Variants in DNAH6 observed in about 807,000 individuals in gnomAD.
DNAH6 encodes dynein axonemal heavy chain 6, also known as axonemal beta dynein heavy chain 6.
Under a neutral mutation model 491.4 loss-of-function variants are expected in DNAH6, and 340 were observed. That is an observed-to-expected ratio of 0.69 (90% confidence interval 0.63 to 0.76). The LOEUF is 0.76. Among genes scored for constraint, DNAH6 ranks in the 30% least tolerant of loss-of-function variants. The pLI is 0.00. For missense variants in DNAH6, 4,443 were observed against 4,972.2 expected (o/e 0.89, Z 3.20); for synonymous variants, 1,603 against 1,686.1 (o/e 0.95, Z 1.21).
At chr2:84,495,721 T>G in the DNAH6 span, among the ~76,000 whole-genome samples, 3 of 152,288 alleles carry the variant, frequency 2.0e-5, no homozygotes, top group Non-Finnish European at 4.4e-5. Flanking sequence ...ATGCATATAT[T>G]TGACCACGAG....
At chr2:84,519,380 A>G (rs937013336) in intron 2 of DNAH6, among the ~76,000 whole-genome samples, 9 of 152,182 alleles carry the variant, frequency 5.9e-5, no homozygotes, top group African/African-American at 1.4e-4. Context: ...TAAATAATAC[A>G]TGAATAAAAT....
chr2:84,753,868 AG>A (rs1673728942), intron 63 of DNAH6, among the ~76,000 whole-genome samples: 1 of 140,398 alleles, frequency 7.1e-6, no homozygotes, highest in Non-Finnish European at 1.5e-5. Context: ...CTCTGTCGCC[AG>A]GCCGGAGTGC....
chr2:84,664,910 G>C (rs889111417), intron 37 of DNAH6, among the ~76,000 whole-genome samples: 1 of 152,132 alleles, frequency 6.6e-6, no homozygotes, highest in African/African-American at 2.4e-5. Context: ...CTCAGACCAC[G>C]GTGCAATCAA....
At chr2:84,633,876 C>T (rs1688627441) in intron 29 of DNAH6, among the ~76,000 whole-genome samples, 2 of 152,036 alleles carry the variant, frequency 1.3e-5, no homozygotes, top group South Asian at 2.1e-4. Context: ...CAGTTGACCA[C>T]CTTGAAATTT....
At chr2:84,687,255 A>G (rs1422709393) in intron 44 of DNAH6, among the ~76,000 whole-genome samples, 1 of 152,194 alleles carries the variant, frequency 6.6e-6, no homozygotes, top group Admixed American at 6.5e-5. Flanking sequence ...ACATTGGCAG[A>G]TAGCCATGTT....
intron 58 of DNAH6, among the ~76,000 whole-genome samples, chr2:84,716,382 A>G (rs1157099303): frequency 6.6e-6 from 1 of 151,774 alleles, no homozygotes; most frequent in Non-Finnish European, 1.5e-5. Context: ...ATATACACAT[A>G]TGTATGTATA....
At position 84,707,022 on chromosome 2, in the gene DNAH6, A is replaced by C; in HGVS notation, c.8851+3A>C. The C allele has an allele frequency of 1.3e-6, 2 of 1,504,790 alleles. No individual in the cohort carries two copies. Among genetic ancestry groups the C allele is most frequent in the Non-Finnish European group, 1.8e-6 (2 of 1,134,932 alleles). The allele number at this position is 1,504,790 out of a possible 1,614,324, so 93.2% of individuals were successfully genotyped here. On this transcript the variant is annotated splice_donor_region_variant and intron_variant, in intron 53 of 76. Transcript: ENST00000389394. ...TGTAAATGAAAAAGAAAGCCTGGGT[A>C]AGTAACTCATAAAATTTACATTGGC...
rs181888995 is a variant in DNAH6 at position 84,705,423 on chromosome 2, A to G, written c.8466-63A>G. On this transcript the variant is annotated intron_variant, in intron 51 of 76. Coordinates refer to ENST00000389394, the MANE Select transcript of DNAH6 (RefSeq NM_001370.2). ...AATATCATAATGTTCTCAAAGAAATACATTCTTTTGTTCTTATATTACTTC... is the reference window on the plus strand; with the variant it reads ...AATATCATAATGTTCTCAAAGAAATGCATTCTTTTGTTCTTATATTACTTC... The G allele has an allele frequency of 1.8e-4, 235 of 1,336,074 alleles. 1 individual carries two copies. In the African/African-American group the frequency reaches 3.1e-3, roughly 18 times the overall value. 82.8% of individuals were successfully genotyped at this position (1,336,074 alleles called of 1,614,324 possible). A position where few individuals can be genotyped will look rare whatever the true frequency, so the allele number is the denominator to read the frequency against.
intron 14 of DNAH6, among the ~76,000 whole-genome samples, chr2:84,583,225 G>A (rs996794486): frequency 1.3e-5 from 2 of 152,208 alleles, no homozygotes; most frequent in African/African-American, 4.8e-5. Flanking sequence ...CTTAACCTAT[G>A]CAGCCAAGTC....
chr2:84,688,660 T>A (rs1694539158), intron 45 of DNAH6, 67 bp downstream of exon 45: 1 of 1,329,262 alleles, frequency 7.5e-7, no homozygotes, highest in Admixed American at 3.3e-5. Flanking sequence ...GGTAAAAAAA[T>A]AAGTTGTATA....
intron 69 of DNAH6, among the ~76,000 whole-genome samples, chr2:84,797,254 G>A (rs1678444397): frequency 6.6e-6 from 1 of 152,192 alleles, no homozygotes. Flanking sequence ...CCCTTCATGA[G>A]TTACACCTTT....
In DNAH6 at chr2:84,819,342, C is replaced by T; in HGVS notation, c.12411C>T (p.Pro4137=). The T allele has an allele frequency of 6.4e-7, 1 of 1,551,390 alleles. No homozygotes were observed. The highest frequency in any genetic ancestry group is 8.7e-7 in the Non-Finnish European group (1 of 1,146,856). The part of the protein sequence containing the change: ...STNFVVTVLL[P]SKRSKDYWIA... ...ATTTTGTGGTAACCGTCCTGTTACC[C>T]TCCAAGCGGTCCAAAGACTACTGGA... is the stretch of plus-strand genomic sequence containing the variant. Residue 4137 remains proline, a synonymous_variant, in exon 77 of 77, where the codon CCC becomes CCT. Coordinates refer to ENST00000389394, the MANE Select transcript of DNAH6 (RefSeq NM_001370.2).
At chr2:84,771,701 G>A in intron 64 of DNAH6, among the ~76,000 whole-genome samples, 1 of 152,168 alleles carries the variant, frequency 6.6e-6, no homozygotes, top group East Asian at 1.9e-4. Context: ...AAGAGGGACT[G>A]TTAACCAAGA....
intron 68 of DNAH6, among the ~76,000 whole-genome samples, chr2:84,787,625 G>A (rs1677333115): frequency 6.6e-6 from 1 of 152,046 alleles, no homozygotes; most frequent in African/African-American, 2.4e-5. Flanking sequence ...TACAATGTGA[G>A]GACTATTATT....
chr2:84,703,576 C>T lies in DNAH6; in HGVS notation c.8229+14C>T. On this transcript the variant is annotated intron_variant, in intron 50 of 76. Coordinates refer to ENST00000389394, the MANE Select transcript of DNAH6 (RefSeq NM_001370.2). ...AGTGCCGATCAGGTATGCTGCAGTT[C>T]CTGAGAATGTGGAAAAGGCTTCTGT... 1.3e-6 allele frequency: 2 copies of T among 1,532,238 alleles called. No individual in the cohort carries two copies. The highest frequency in any genetic ancestry group is 2.5e-5 in the South Asian group (2 of 80,102). The allele number at this position is 1,532,238 out of a possible 1,614,324, so 94.9% of individuals were successfully genotyped here.
At chr2:84,583,956 A>G in intron 14 of DNAH6, 43 bp from the exon 15 acceptor site, 1 of 1,600,488 alleles carries the variant, frequency 6.2e-7, no homozygotes, top group Non-Finnish European at 8.5e-7. Flanking sequence ...AGACTAAACT[A>G]GGATTCTGCT....
chr2:84,784,627 T>G, intron 65 of DNAH6, 95 bp from the exon 66 acceptor site: 1 of 758,682 alleles, frequency 1.3e-6, no homozygotes, highest in South Asian at 1.7e-5. Flanking sequence ...CTTATAGCAT[T>G]TTTTCCTTCT....
At chr2:84,489,302 G>T in the DNAH6 span, among the ~76,000 whole-genome samples, 1 of 151,970 alleles carries the variant, frequency 6.6e-6, no homozygotes, top group Non-Finnish European at 1.5e-5. Flanking sequence ...AATCAGGGAG[G>T]CATCATTATT....
At chr2:84,792,722 A>G (rs1430438294) in intron 68 of DNAH6, among the ~76,000 whole-genome samples, 1 of 152,210 alleles carries the variant, frequency 6.6e-6, no homozygotes, top group Non-Finnish European at 1.5e-5. Flanking sequence ...TTGCTAATAA[A>G]TTTTGCTCTA....
Sources: gnomAD v4.1 joint callset for allele counts (sites outside exome capture counted in the v4.1 genomes callset) on GRCh38, gnomAD v4.1.1 for gene constraint, MANE v1.5 for transcripts, NCBI Gene and HGNC (gene_info 2026-07-23, HGNC 2026-07-21) for gene names.